The following CFAP221 variants were observed in gnomAD, a reference collection of about 807,000 sequenced individuals.
CFAP221 encodes cilia- and flagella-associated protein 221.
A neutral mutation model predicts 113.1 loss-of-function variants in CFAP221; 97 were observed. The observed-to-expected ratio is 0.86, with a 90% CI of 0.73 to 1.02. CFAP221 has a LOEUF of 1.02. CFAP221 is among the 50% of genes least tolerant of loss of function. The pLI is 0.00. For missense variants in CFAP221, 1,025 were observed against 1,013.4 expected, an observed-to-expected ratio of 1.01 and a Z score of -0.16; for synonymous variants, 331 against 354.4, an observed-to-expected ratio of 0.93 and a Z score of 0.74.
intron 23 of CFAP221, among the ~76,000 whole-genome samples, chr2:119,653,987 G>A (rs1688281307): frequency 6.6e-6 from 1 of 152,052 alleles, no homozygotes; most frequent in African/African-American, 2.4e-5. Context: ...ATTTGCAAGA[G>A]TCCCTCATTT....
chr2:119,549,020 G>A, intron 2 of CFAP221, 65 bp from the exon 3 acceptor site: 1 of 1,096,246 alleles, frequency 9.1e-7, no homozygotes, highest in Non-Finnish European at 1.2e-6. Flanking sequence ...TGTTAATAAG[G>A]ATCAACTTTA....
At chr2:119,614,638 C>T (rs974787846) in intron 13 of CFAP221, among the ~76,000 whole-genome samples, 2 of 152,144 alleles carry the variant, frequency 1.3e-5, no homozygotes, top group African/African-American at 4.8e-5. Context: ...GGGAAAACTG[C>T]CCTCACGATT....
intron 6 of CFAP221, among the ~76,000 whole-genome samples, chr2:119,578,211 A>G (rs1682590586): frequency 6.6e-6 from 1 of 152,248 alleles, no homozygotes; most frequent in Non-Finnish European, 1.5e-5. Context: ...GGCCTTAAGA[A>G]ACAGGTACAG....
chr2:119,548,375 A>G (rs918724022), intron 2 of CFAP221, among the ~76,000 whole-genome samples: 1 of 152,218 alleles, frequency 6.6e-6, no homozygotes, highest in Non-Finnish European at 1.5e-5. Context: ...TGAGGATTAT[A>G]AACAAATGTA....
chr2:119,605,331 TA>T, intron 11 of CFAP221, 42 bp downstream of exon 11: 1 of 1,405,570 alleles, frequency 7.1e-7, no homozygotes, highest in African/African-American at 1.4e-5. Flanking sequence ...TCAGTACAGT[TA>T]TTTTTAGGTG....
intron 6 of CFAP221, among the ~76,000 whole-genome samples, chr2:119,581,857 G>C (rs917056493): frequency 6.6e-6 from 1 of 151,970 alleles, no homozygotes; most frequent in Admixed American, 6.5e-5. Context: ...TTGAACCCAG[G>C]AGTTTGAGAC....
rs1256043250 is a variant in CFAP221, at chr2:119,630,594, A to G, written c.1756A>G (p.Arg586Gly). Residue 586 changes from arginine (R) to glycine (G), a missense_variant, in exon 18 of 24, where the codon AGA becomes GGA. Coordinates refer to ENST00000413369, the MANE Select transcript of CFAP221 (RefSeq NM_001271049.2). ...GGTTCCTCAACTGTACAAAATTAAG[A>G]GATATCAGCCATTCTCTGTCCACAA... Reference protein sequence around the residue: ...LQVPQLYKIKRYQPFSVHKSS... With the variant: ...LQVPQLYKIKGYQPFSVHKSS... 1 of 1,613,016 alleles carries G rather than the reference A, an allele frequency of 6.2e-7. No homozygotes were observed. The highest frequency in any genetic ancestry group is 8.5e-7 in the Non-Finnish European group (1 of 1,178,952).
intron 16 of CFAP221, 44 bp downstream of exon 16, chr2:119,627,830 G>T (rs1439606467): frequency 1.9e-6 from 3 of 1,609,322 alleles, no homozygotes; most frequent in Non-Finnish European, 2.5e-6. Flanking sequence ...ACATGATCAT[G>T]ATCGTGTTGG....
intron 6 of CFAP221, among the ~76,000 whole-genome samples, chr2:119,563,145 T>C (rs1384183111): frequency 6.6e-6 from 1 of 152,074 alleles, no homozygotes; most frequent in Non-Finnish European, 1.5e-5. Flanking sequence ...CAGAGTGAGA[T>C]CCTGTCTCTA....
chr2:119,571,737 C>T (rs1004846576), intron 6 of CFAP221, among the ~76,000 whole-genome samples: 1 of 152,158 alleles, frequency 6.6e-6, no homozygotes, highest in Non-Finnish European at 1.5e-5. Context: ...GGATTACAGG[C>T]GTGAGCCACC....
intron 14 of CFAP221, among the ~76,000 whole-genome samples, chr2:119,619,935 A>G (rs937189137): frequency 6.6e-6 from 1 of 152,202 alleles, no homozygotes; most frequent in African/African-American, 2.4e-5. Flanking sequence ...CGAGAACTTC[A>G]TGAAGAATAC....
At chr2:119,653,443 A>G (rs1206307456) in intron 23 of CFAP221, among the ~76,000 whole-genome samples, 2 of 152,322 alleles carry the variant, frequency 1.3e-5, no homozygotes, top group East Asian at 3.9e-4. Context: ...CATATTATAC[A>G]TATTGTTTTA....
chr2:119,648,620 C>T (rs75027261), intron 22 of CFAP221: 2,285 of 161,790 alleles, frequency 0.014, 53 homozygotes, highest in African/African-American at 0.051. Context: ...TTTAGCTTTG[C>T]GCTTTGTTTC....
At chr2:119,632,042 C>T (rs1686806377) in intron 19 of CFAP221, among the ~76,000 whole-genome samples, 1 of 152,108 alleles carries the variant, frequency 6.6e-6, no homozygotes, top group Non-Finnish European at 1.5e-5. Flanking sequence ...AAAGAAACCT[C>T]CAGGCCCAGA....
At chr2:119,558,464 CAG>C (rs1462560509) in intron 3 of CFAP221, among the ~76,000 whole-genome samples, 1 of 152,206 alleles carries the variant, frequency 6.6e-6, no homozygotes, top group Non-Finnish European at 1.5e-5. Context: ...TACACCAAAA[CAG>C]GGTCACAAAA....
rs146396781 is a variant in CFAP221, at chr2:119,593,014, T to C, written c.631+5792T>C. ...GATCTGGAGAAAAATGACTTGTTAT[T>C]TTGGGAAATGTTTCAACTAGTAAAA... On this transcript the variant is annotated intron_variant, in intron 7 of 23. Coordinates refer to ENST00000413369, the MANE Select transcript of CFAP221 (RefSeq NM_001271049.2). Among the ~76,000 whole-genome samples, 396 of 152,350 alleles carry C rather than the reference T, an allele frequency of 2.6e-3. 2 individuals carry two copies. Among genetic ancestry groups the C allele is most frequent in the African/African-American group, 9.0e-3 (373 of 41,578 alleles).
chr2:119,652,023 A>G lies in CFAP221; in HGVS notation c.2368A>G (p.Lys790Glu), dbSNP rs370111184. Residue 790 changes from lysine to glutamate, a missense_variant, in exon 23 of 24, where the codon AAA becomes GAA. Coordinates refer to ENST00000413369, the MANE Select transcript of CFAP221 (RefSeq NM_001271049.2). ...VEVMLTPEMI[K>E]VEFPMLNYKD... is the part of the protein sequence containing the mutation. ...AGTTATGTTGACTCCAGAAATGATC[A>G]AAGTGGAATTCCCTATGTTGAACTA... The G allele has an allele frequency of 3.7e-6, 6 of 1,613,496 alleles. No individual in the cohort carries two copies. The East Asian group carries it at 8.9e-5, about 24-fold the overall frequency.
Position 119,587,105 on chromosome 2 carries a change from T to C in CFAP221, c.528-14T>C. ...AAAATAATATTTTTATTTTCTTTTT[T>C]GTTTGTTTTGCAGCAAAACTTATGT... On this transcript the variant is annotated splice_polypyrimidine_tract_variant and intron_variant, in intron 6 of 23. Coordinates refer to ENST00000413369, the MANE Select transcript of CFAP221 (RefSeq NM_001271049.2). 6.8e-7 allele frequency: 1 copy of C among 1,476,844 alleles called. No individual in the cohort carries two copies. The highest frequency in any genetic ancestry group is 9.0e-7 in the Non-Finnish European group (1 of 1,116,252). The allele number at this position is 1,476,844 out of a possible 1,614,324, so 91.5% of individuals were successfully genotyped here.
chr2:119,557,181 A>G (rs1370002918), intron 3 of CFAP221: 1 of 152,186 alleles, frequency 6.6e-6, no homozygotes, highest in Non-Finnish European at 1.5e-5. Flanking sequence ...GCTTATTTCT[A>G]ATTGTCAGGC....
Sources: gnomAD v4.1 joint callset for allele counts (sites outside exome capture counted in the v4.1 genomes callset) on GRCh38, gnomAD v4.1.1 for gene constraint, MANE v1.5 for transcripts, NCBI Gene and HGNC (gene_info 2026-07-23, HGNC 2026-07-21) for gene names.